SLC5A4: variants seen among roughly 807,000 people sequenced by gnomAD.
The protein encoded by SLC5A4 is solute carrier family 5 member 4.
SLC5A4 carries 55 observed loss-of-function variants against 70.3 expected under a neutral mutation model. The ratio of observed to expected loss-of-function variants is 0.78; its 90% CI spans 0.63 to 0.98. The LOEUF (loss-of-function observed/expected upper bound fraction) is 0.98, where lower values mean the gene tolerates loss of function less well. Ranked by LOEUF, SLC5A4 falls within the 50% of genes least tolerant of loss-of-function variation. The pLI is 0.00. For synonymous variants in SLC5A4, 268 were observed against 305.7 expected (o/e 0.88, Z 1.29); for missense variants, 735 against 839.2 (o/e 0.88, Z 1.53).
chr22:32,316,441 G>A, the SLC5A4 span, among the ~76,000 whole-genome samples: 2 of 152,092 alleles, frequency 1.3e-5, no homozygotes, highest in Admixed American at 6.6e-5. Flanking sequence ...AGTAATGAAT[G>A]TTCATGTACC....
At chr22:32,241,188 C>A (rs6518765) in intron 5 of SLC5A4, among the ~76,000 whole-genome samples, 113,627 of 152,212 alleles carry the variant, frequency 0.75, 43,689 homozygotes, top group East Asian at 1. Flanking sequence ...TGACACTGAG[C>A]AGCACAGTGG....
the SLC5A4 span, among the ~76,000 whole-genome samples, chr22:32,307,220 G>C: frequency 6.6e-6 from 1 of 152,198 alleles, no homozygotes; most frequent in South Asian, 2.1e-4. Context: ...GGGCAAATCT[G>C]TCAGGGCTTT....
Position 32,255,269 on chromosome 22 carries a change from C to A in SLC5A4, c.61G>T (p.Asp21Tyr), listed in dbSNP as rs998879842. ...AETPEPPPLS[D>Y]HIRNAADISV... ...ATGTCAGCAGCATTTCGGATGTGGT[C>A]AGACAATGGAGGTGGCTCTGGGGTC... Residue 21 changes from aspartate to tyrosine, a missense_variant, in exon 1 of 15, where the codon GAC becomes TAC. Physicochemically the swap from Asp to Tyr is radical, Grantham distance 160 (BLOSUM62 -3). Coordinates refer to ENST00000266086, the MANE Select transcript of SLC5A4 (RefSeq NM_014227.3). 2 of 1,614,086 alleles carry A rather than the reference C, an allele frequency of 1.2e-6. No individual in the cohort carries two copies. Among genetic ancestry groups the A allele is most frequent in the Middle Eastern group, 3.3e-4 (2 of 6,062 alleles).
the SLC5A4 span, among the ~76,000 whole-genome samples, chr22:32,344,476 TAA>T: frequency 6.6e-6 from 1 of 152,190 alleles, no homozygotes; most frequent in African/African-American, 2.4e-5. Flanking sequence ...TACACGTACA[TAA>T]AGTTTTTATT....
At chr22:32,341,601 G>C in the SLC5A4 span, among the ~76,000 whole-genome samples, 1 of 152,220 alleles carries the variant, frequency 6.6e-6, no homozygotes, top group African/African-American at 2.4e-5. Flanking sequence ...GAACAGCGGG[G>C]AAGGCTCACG....
the SLC5A4 span, among the ~76,000 whole-genome samples, chr22:32,325,360 C>T: frequency 1.2e-4 from 18 of 152,194 alleles, no homozygotes; most frequent in Middle Eastern, 3.4e-3. Context: ...GGGGCCCTGG[C>T]CGGGGTGGAG....
chr22:32,325,965 G>A, the SLC5A4 span, among the ~76,000 whole-genome samples: 14 of 152,386 alleles, frequency 9.2e-5, 1 homozygote, highest in African/African-American at 3.4e-4. Context: ...AGCTGAGCCT[G>A]GAATCGGAAG....
Position 32,245,205 on chromosome 22 carries a change from G to A in SLC5A4, c.477+2206C>T, listed in dbSNP as rs566636952. On this transcript the variant is annotated intron_variant, in intron 5 of 14. Coordinates refer to ENST00000266086, the MANE Select transcript of SLC5A4 (RefSeq NM_014227.3). ...TTAATAAGTAACTAGGAGACAATCCGTGTGTCAGAGTGTAAGAGTACACAA... is the reference window on the plus strand; with the variant it reads ...TTAATAAGTAACTAGGAGACAATCCATGTGTCAGAGTGTAAGAGTACACAA... 1.4e-3 allele frequency among the ~76,000 whole-genome samples: 216 copies of A among 152,288 alleles called. 1 individual carries two copies. The highest frequency in any genetic ancestry group is 4.9e-3 in the African/African-American group (205 of 41,552).
At chr22:32,330,886 G>A in the SLC5A4 span, among the ~76,000 whole-genome samples, 1 of 128,408 alleles carries the variant, frequency 7.8e-6, no homozygotes, top group African/African-American at 2.9e-5. Flanking sequence ...CTGTGTAGGA[G>A]TGTTGGGGGC....
the SLC5A4 span, among the ~76,000 whole-genome samples, chr22:32,349,205 C>A: frequency 1.3e-5 from 2 of 151,964 alleles, no homozygotes; most frequent in African/African-American, 4.8e-5. Context: ...GATCTCCTGA[C>A]CTCATGATCC....
chr22:32,306,472 A>T, the SLC5A4 span, among the ~76,000 whole-genome samples: 1 of 150,070 alleles, frequency 6.7e-6, no homozygotes, highest in Admixed American at 6.8e-5. Flanking sequence ...TCTCAAAAAA[A>T]AAAAACAAAA....
chr22:32,266,991 T>C, the SLC5A4 span, among the ~76,000 whole-genome samples: 3 of 152,246 alleles, frequency 2.0e-5, no homozygotes, highest in African/African-American at 4.8e-5. Flanking sequence ...ATTTTCTTCA[T>C]CAAACTGTGA....
At chr22:32,307,168 GGGTT>G in the SLC5A4 span, among the ~76,000 whole-genome samples, 95,742 of 151,802 alleles carry the variant, frequency 0.63, 30,278 homozygotes, top group East Asian at 0.7. Flanking sequence ...GCCTACTGGA[GGGTT>G]GTGAACCCTG....
chr22:32,355,050 G>C, the SLC5A4 span, among the ~76,000 whole-genome samples: 1 of 151,986 alleles, frequency 6.6e-6, no homozygotes, highest in African/African-American at 2.4e-5. Context: ...TGACGCAGGA[G>C]AGCTTGGAAT....
the SLC5A4 span, among the ~76,000 whole-genome samples, chr22:32,263,644 A>T: frequency 0.11 from 17,358 of 152,222 alleles, 1,204 homozygotes; most frequent in African/African-American, 0.19. Context: ...AGTGTGGCGA[A>T]TCCTCAAGGA....
At chr22:32,272,399 C>A in the SLC5A4 span, 6 of 904,534 alleles carry the variant, frequency 6.6e-6, no homozygotes, top group Middle Eastern at 8.4e-4. Flanking sequence ...AGCGAGCTGA[C>A]GGGCATGGCC....
the SLC5A4 span, among the ~76,000 whole-genome samples, chr22:32,353,952 C>A: frequency 1.3e-5 from 2 of 151,196 alleles, no homozygotes; most frequent in Admixed American, 6.6e-5. Flanking sequence ...CCCAGGGAGA[C>A]GCCCCAACTC....
chr22:32,305,512 A>G, the SLC5A4 span, among the ~76,000 whole-genome samples: 2 of 148,910 alleles, frequency 1.3e-5, no homozygotes, highest in Non-Finnish European at 3.0e-5. Context: ...GGGTGCCAGC[A>G]GTCTGGTATC....
At chr22:32,317,890 C>T in the SLC5A4 span, among the ~76,000 whole-genome samples, 1 of 152,320 alleles carries the variant, frequency 6.6e-6, no homozygotes, top group Non-Finnish European at 1.5e-5. Flanking sequence ...TTTTGCTCTC[C>T]AGTTTCACTT....
Sources: allele counts gnomAD v4.1 joint callset (sites outside exome capture counted in the v4.1 genomes callset), GRCh38; gene constraint gnomAD v4.1.1; transcripts MANE v1.5; gene names NCBI Gene and HGNC (gene_info 2026-07-23, HGNC 2026-07-21).